Variants in IFT140 observed in about 807,000 individuals in gnomAD.
IFT140 encodes the protein intraflagellar transport protein 140 homolog.
Under a neutral mutation model 164.6 loss-of-function variants are expected in IFT140, and 133 were observed. That is an observed-to-expected ratio of 0.81 (90% CI 0.70 to 0.93). IFT140 has a LOEUF of 0.93. Among genes scored for constraint, IFT140 ranks in the 40% least tolerant of loss-of-function variants. IFT140 has a pLI of 0.00. For missense variants in IFT140, 2,045 were observed against 1,972.3 expected (o/e 1.04, Z -0.70); for synonymous variants, 860 against 817.3 (o/e 1.05, Z -0.89).
At chr16:1,522,523 G>C (rs1208100482) in intron 26 of IFT140, among the ~76,000 whole-genome samples, 1 of 151,908 alleles carries the variant, frequency 6.6e-6, no homozygotes, top group Non-Finnish European at 1.5e-5. Context: ...CAACAAGAGT[G>C]AAACTCCATT....
chr16:1,516,958 C>G (rs2040371829), intron 30 of IFT140, among the ~76,000 whole-genome samples: 1 of 151,802 alleles, frequency 6.6e-6, no homozygotes, highest in South Asian at 2.1e-4. Flanking sequence ...AATGGCAAAT[C>G]CCTAAAATGA....
chr16:1,570,124 C>T (rs2033943656), intron 14 of IFT140, among the ~76,000 whole-genome samples: 5 of 152,164 alleles, frequency 3.3e-5, no homozygotes, highest in Admixed American at 2.0e-4. Context: ...CTCATTTGTA[C>T]ATTTCCTGTC....
At chr16:1,520,101 C>T (rs566848913) in intron 28 of IFT140, 30 bp downstream of exon 28, 3 of 1,611,262 alleles carry the variant, frequency 1.9e-6, no homozygotes, top group African/African-American at 1.3e-5. Flanking sequence ...CTCCCCGGGG[C>T]CCCGCTGGCA....
chr16:1,556,444 A>G (rs12599207), intron 19 of IFT140, among the ~76,000 whole-genome samples: 64,296 of 151,916 alleles, frequency 0.42, 15,078 homozygotes, highest in African/African-American at 0.63. Flanking sequence ...GCATCGGCCA[A>G]AAGGAGAAAC....
chr16:1,593,288 G>A (rs2035286850), intron 4 of IFT140, among the ~76,000 whole-genome samples: 1 of 152,096 alleles, frequency 6.6e-6, no homozygotes, highest in African/African-American at 2.4e-5. Context: ...GTTAGCAACT[G>A]CTATATTTTC....
intron 4 of IFT140, among the ~76,000 whole-genome samples, chr16:1,597,514 T>A (rs1254800175): frequency 6.6e-6 from 1 of 152,154 alleles, no homozygotes. Flanking sequence ...ATTCCACGGG[T>A]AACCACAACA....
chr16:1,584,542 G>A (rs1210592820), intron 10 of IFT140, 122 bp from the exon 11 acceptor site: 1 of 758,072 alleles, frequency 1.3e-6, no homozygotes, highest in African/African-American at 1.8e-5. Flanking sequence ...CATTGTTCCG[G>A]ACTTAAAAAA....
chr16:1,568,532 A>T (rs2033848346), intron 14 of IFT140, among the ~76,000 whole-genome samples, 198 bp from the exon 15 acceptor site: 1 of 152,232 alleles, frequency 6.6e-6, no homozygotes, highest in African/African-American at 2.4e-5. Flanking sequence ...ACTCTTACGA[A>T]CAAGGACGAA....
In IFT140 at chr16:1,526,719, T is replaced by C. The variant is rs1212997974; in HGVS notation, c.2477A>G (p.Asn826Ser). The C allele has an allele frequency of 1.9e-6, 3 of 1,609,026 alleles. No individual in the cohort carries two copies. Among genetic ancestry groups the C allele is most frequent in the Non-Finnish European group, 2.5e-6 (3 of 1,178,734 alleles). ...TCGGGCCCCGCGGGCATGGCCCATG[T>C]TCCCCAGGCACACCTTGGCCACGTC... ...RLDVAKVCLGNMGHARGARAL... is the reference protein window; with the variant it reads ...RLDVAKVCLGSMGHARGARAL... The change falls in exon 20 of 31, where the codon AAC (asparagine) becomes AGC (serine). Residue 826 changes from asparagine to serine, a missense_variant. By Grantham distance (46) the Asn-to-Ser change is conservative. Coordinates refer to ENST00000426508, the MANE Select transcript of IFT140 (RefSeq NM_014714.4).
intron 19 of IFT140, among the ~76,000 whole-genome samples, chr16:1,534,720 C>T (rs1415767430): frequency 6.6e-6 from 1 of 152,186 alleles, no homozygotes; most frequent in Non-Finnish European, 1.5e-5. Flanking sequence ...TCCCAGGGAA[C>T]CAGGCCCCAA....
At chr16:1,548,801 T>G (rs2032390765) in intron 19 of IFT140, among the ~76,000 whole-genome samples, 1 of 152,200 alleles carries the variant, frequency 6.6e-6, no homozygotes. Flanking sequence ...GCTGACTCAG[T>G]CACCTTCTTA....
rs901410503 is a variant in IFT140 at position 1,588,088 on chromosome 16, G to A, written c.811-64C>T. On this transcript the variant is annotated intron_variant, in intron 7 of 30. Coordinates refer to ENST00000426508, the MANE Select transcript of IFT140 (RefSeq NM_014714.4). ...CTGAGACGGCCTGTCCCGGCTTCAG[G>A]AGCCTGGAGTCTCTGGTCCTCAGTG... The A allele has an allele frequency of 1.3e-5, 18 of 1,372,892 alleles. No homozygotes were observed. In the Middle Eastern group the frequency reaches 5.4e-4, roughly 41 times the overall value. The allele number at this position is 1,372,892 out of a possible 1,614,324, so 85.0% of individuals were successfully genotyped here. A position where few individuals can be genotyped will look rare whatever the true frequency, so the allele number is the denominator to read the frequency against.
At position 1,607,231 on chromosome 16, in the gene IFT140, C is replaced by T. The variant is rs574028286; in HGVS notation, c.36G>A (p.Pro12=). Residue 12 remains proline, a synonymous_variant, in exon 3 of 31, where the codon CCG becomes CCA. Transcript: ENST00000426508. ...TAAATGAGGGTGACCCTGCTGCATC[C>T]GGGGCTTCTATCTGGTGGTCATAAT... is the stretch of plus-strand genomic sequence containing the variant. ...ALYYDHQIEA[P]DAAGSPSFIS... The T allele has an allele frequency of 2.5e-5, 41 of 1,614,074 alleles. No individual in the cohort carries two copies. Among genetic ancestry groups the T allele is most frequent in the Admixed American group, 1.0e-4 (6 of 60,014 alleles).
rs1268795402 is a variant in IFT140 at position 1,553,997 on chromosome 16, C to T, written c.2399+3938G>A. The T allele has an allele frequency of 1.6e-6, 2 of 1,287,226 alleles. No individual in the cohort carries two copies. 79.7% of individuals were successfully genotyped at this position (1,287,226 alleles called of 1,614,324 possible). On this transcript the variant is annotated intron_variant, in intron 19 of 30. Coordinates refer to ENST00000426508, the MANE Select transcript of IFT140 (RefSeq NM_014714.4). This position sits in a 1 kb window ranked among gnomAD's most constrained non-coding sequence, Gnocchi z 4.4. ...CTAGACGGGAACAAGCTGCGCCAAC[C>T]AAGGGTTGCTCACGGCCCACCTCTC... is the stretch of plus-strand genomic sequence containing the variant.
At chr16:1,516,646 T>G (rs1003947067) in intron 30 of IFT140, among the ~76,000 whole-genome samples, 1 of 151,408 alleles carries the variant, frequency 6.6e-6, no homozygotes, top group Non-Finnish European at 1.5e-5. Flanking sequence ...GGCGGGCGCC[T>G]GTAGTCCCAG....
At chr16:1,589,485 A>G (rs1403904106) in intron 7 of IFT140, 120 bp downstream of exon 7, 2 of 966,052 alleles carry the variant, frequency 2.1e-6, no homozygotes, top group Non-Finnish European at 3.2e-6. Flanking sequence ...TAGCCGCCCT[A>G]ACTCAGTTGA....
At chr16:1,556,738 A>G (rs12927247) in intron 19 of IFT140, among the ~76,000 whole-genome samples, 36,119 of 152,146 alleles carry the variant, frequency 0.24, 4,577 homozygotes, top group South Asian at 0.33. Flanking sequence ...CAACTTTTTT[A>G]TGACAAGGAA....
intron 26 of IFT140, among the ~76,000 whole-genome samples, chr16:1,522,608 A>C (rs2040557273): frequency 1.3e-5 from 2 of 152,126 alleles, no homozygotes; most frequent in African/African-American, 4.8e-5. Flanking sequence ...TGGGGGGCCG[A>C]GGCAGGCAGA....
At chr16:1,520,438 C>A in intron 27 of IFT140, 95 bp from the exon 28 acceptor site, 1 of 1,417,782 alleles carries the variant, frequency 7.1e-7, no homozygotes, top group South Asian at 1.2e-5. Context: ...AAGAGTGGCT[C>A]AGGGCTGCCC....
Sources: gnomAD v4.1 joint callset for allele counts (sites outside exome capture counted in the v4.1 genomes callset) on GRCh38, gnomAD v4.1.1 for gene constraint, Gnocchi (gnomAD v3.1) non-coding constraint, MANE v1.5 for transcripts, NCBI Gene and HGNC (gene_info 2026-07-23, HGNC 2026-07-21) for gene names.